The following TSGA10 variants were observed in gnomAD, a reference collection of about 807,000 sequenced individuals.
TSGA10 encodes the protein testis specific 10, also known as testis-specific gene 10 protein.
TSGA10 carries 43 observed loss-of-function variants against 96.6 expected under a neutral mutation model. The ratio of observed to expected loss-of-function variants is 0.44; its 90% CI spans 0.35 to 0.57. The LOEUF (loss-of-function observed/expected upper bound fraction) is 0.57. Ranked by LOEUF, TSGA10 falls within the 20% of genes least tolerant of loss-of-function variation. The pLI, the probability that TSGA10 is intolerant of heterozygous loss-of-function variation, is 0.01. For synonymous variants in TSGA10, 229 were observed against 269.9 expected, an observed-to-expected ratio of 0.85 and a Z score of 1.48; for missense variants, 703 against 834.4, an observed-to-expected ratio of 0.84 and a Z score of 1.94.
At position 99,101,001 on chromosome 2, in the gene TSGA10, C is replaced by T. The variant is rs1479769706; in HGVS notation, c.611+2966G>A. ...AAATTAGGCTGGGCGCGGTGGCTCA[C>T]GCCTGTAATCCCAGCACTTTGGAAG... On this transcript the variant is annotated intron_variant, in intron 10 of 20. Transcript: ENST00000393483. Among the ~76,000 whole-genome samples the T allele has an allele frequency of 4.1e-5, 6 of 146,242 alleles. No individual in the cohort carries two copies. The East Asian group carries it at 6.2e-4, about 15-fold the overall frequency.
At chr2:99,085,968 C>A (rs960032055) in intron 10 of TSGA10, among the ~76,000 whole-genome samples, 6 of 152,050 alleles carry the variant, frequency 3.9e-5, no homozygotes, top group Non-Finnish European at 7.4e-5. Context: ...ACTAATAAAG[C>A]AGAATACAGA....
intron 15 of TSGA10, among the ~76,000 whole-genome samples, chr2:99,065,775 G>A (rs1366025857): frequency 6.6e-6 from 1 of 152,090 alleles, no homozygotes; most frequent in Non-Finnish European, 1.5e-5. Context: ...AACACTAGTT[G>A]TAAATATGCA....
intron 2 of TSGA10, chr2:99,125,065 A>G (rs1351074650): frequency 1.3e-5 from 2 of 152,002 alleles, no homozygotes; most frequent in Non-Finnish European, 2.9e-5. Context: ...TCTCCCTCCA[A>G]TTCCTGGTAA....
intron 1 of TSGA10, among the ~76,000 whole-genome samples, chr2:99,153,984 T>C (rs1333796291): frequency 3.9e-5 from 6 of 152,118 alleles, no homozygotes; most frequent in Admixed American, 2.6e-4. Flanking sequence ...CATCAAGAGG[T>C]GAAGTCCATT....
At chr2:99,042,496 C>T (rs2104235595) in intron 16 of TSGA10, among the ~76,000 whole-genome samples, 1 of 152,244 alleles carries the variant, frequency 6.6e-6, no homozygotes, top group Admixed American at 6.5e-5. Flanking sequence ...TCAGGCTGCT[C>T]TTTGGCCACT....
intron 16 of TSGA10, among the ~76,000 whole-genome samples, chr2:99,054,978 T>C (rs1422890844): frequency 6.6e-6 from 1 of 152,152 alleles, no homozygotes; most frequent in Non-Finnish European, 1.5e-5. Context: ...AAAACAGAAC[T>C]ACTATATAAT....
chr2:99,031,890 G>A (rs1006356324), intron 17 of TSGA10, among the ~76,000 whole-genome samples: 1 of 152,294 alleles, frequency 6.6e-6, no homozygotes, highest in East Asian at 1.9e-4. Context: ...ATGATCTGAG[G>A]TGGAGCTGAG....
chr2:99,075,892 A>G (rs1455154375), intron 12 of TSGA10, among the ~76,000 whole-genome samples: 1 of 152,194 alleles, frequency 6.6e-6, no homozygotes, highest in African/African-American at 2.4e-5. Flanking sequence ...TCATGCTTAA[A>G]TATTCAAAAA....
chr2:99,147,935 AT>A (rs1324062057), intron 1 of TSGA10, among the ~76,000 whole-genome samples: 2 of 152,214 alleles, frequency 1.3e-5, no homozygotes, highest in East Asian at 3.8e-4. Context: ...TATTCATGGC[AT>A]TTATCACATT....
At chr2:99,048,241 C>T (rs2083002530) in intron 16 of TSGA10, among the ~76,000 whole-genome samples, 1 of 152,026 alleles carries the variant, frequency 6.6e-6, no homozygotes, top group Non-Finnish European at 1.5e-5. Context: ...TCATATAGAA[C>T]CAAAAAAGAG....
chr2:99,098,227 G>A (rs1214599916), intron 10 of TSGA10, among the ~76,000 whole-genome samples: 1 of 151,846 alleles, frequency 6.6e-6, no homozygotes, highest in Non-Finnish European at 1.5e-5. Flanking sequence ...CACGAGGTCA[G>A]GAGTTTGAGA....
Position 99,131,064 on chromosome 2 carries a change from A to G in TSGA10, c.-620-3888T>C, listed in dbSNP as rs1417483804. Among the ~76,000 whole-genome samples, 3 of 152,202 alleles carry G rather than the reference A, an allele frequency of 2.0e-5. No individual in the cohort carries two copies. The East Asian group carries it at 5.8e-4, about 29-fold the overall frequency. On this transcript the variant is annotated intron_variant, in intron 1 of 20. Coordinates refer to ENST00000393483, the MANE Select transcript of TSGA10 (RefSeq NM_025244.4). ...CTTGTAGTATAGTTTGAAGTCAGGT[A>G]GCATGATCCCTCCAGCTTCGTTCTT... is the stretch of plus-strand genomic sequence containing the variant.
intron 20 of TSGA10, among the ~76,000 whole-genome samples, chr2:99,000,781 C>CT (rs1482670428): frequency 1.3e-5 from 2 of 152,266 alleles, no homozygotes; most frequent in Admixed American, 6.5e-5. Flanking sequence ...TACTACTGTG[C>CT]TTTTCCAGTG....
In TSGA10 at chr2:99,074,351, C is replaced by CGTGTGTGTGTGTGTGTGTGTGT. The variant is rs147220063; in HGVS notation, c.883-1300_883-1279dup. Among the ~76,000 whole-genome samples the CGTGTGTGTGTGTGTGTGTGTGT allele has an allele frequency of 9.3e-4, 135 of 145,136 alleles. 3 individuals are homozygous for CGTGTGTGTGTGTGTGTGTGTGT. Among genetic ancestry groups the CGTGTGTGTGTGTGTGTGTGTGT allele is most frequent in the Admixed American group, 4.2e-3 (61 of 14,488 alleles). ...TTAGCGTTAGTTTTACACATATTTG[C>CGTGTGTGTGTGTGTGTGTGTGT]GTGTGTGTGTGTGTGTGTGTGTGTG... On this transcript the variant is annotated intron_variant, in intron 12 of 20. Transcript: ENST00000393483.
intron 16 of TSGA10, among the ~76,000 whole-genome samples, chr2:99,045,253 G>A (rs1379160034): frequency 6.6e-6 from 1 of 152,016 alleles, no homozygotes; most frequent in Admixed American, 6.6e-5. Context: ...GATACTCCTC[G>A]AGAAGGGCAA....
chr2:99,123,871 T>C (rs543898260), intron 2 of TSGA10, among the ~76,000 whole-genome samples: 9 of 152,370 alleles, frequency 5.9e-5, no homozygotes, highest in Admixed American at 4.6e-4. Context: ...ATTTTGTTTA[T>C]CCATTCATTT....
At chr2:99,096,550 G>A (rs1205033224) in intron 10 of TSGA10, among the ~76,000 whole-genome samples, 2 of 152,164 alleles carry the variant, frequency 1.3e-5, no homozygotes, top group East Asian at 1.9e-4. Context: ...ACATTTCCAT[G>A]ACAGCTATTT....
chr2:99,123,024 A>T (rs2092659430), intron 2 of TSGA10, among the ~76,000 whole-genome samples: 2 of 152,102 alleles, frequency 1.3e-5, no homozygotes, highest in Admixed American at 6.5e-5. Flanking sequence ...CTTTCTCTGG[A>T]TATAAAATTC....
At chr2:99,035,485 A>T in intron 16 of TSGA10, 46 bp from the exon 17 acceptor site, 1 of 1,309,762 alleles carries the variant, frequency 7.6e-7, no homozygotes, top group Non-Finnish European at 1.0e-6. Flanking sequence ...TATATATTAA[A>T]CTGGAAGGAA....
Sources: allele counts gnomAD v4.1 joint callset (sites outside exome capture counted in the v4.1 genomes callset), GRCh38; gene constraint gnomAD v4.1.1; transcripts MANE v1.5; gene names NCBI Gene and HGNC (gene_info 2026-07-23, HGNC 2026-07-21).